Variants in USP26 observed in about 807,000 individuals in gnomAD.
USP26 encodes ubiquitin specific peptidase 26, also known as ubiquitin carboxyl-terminal hydrolase 26.
For synonymous variants in USP26, 236 were observed against 240.6 expected (o/e 0.98, Z 0.18); for missense variants, 649 against 642.3 (o/e 1.01, Z -0.11).
intron 5 of USP26, among the ~76,000 whole-genome samples, chrX:133,028,800 A>C (rs2067365721): frequency 8.9e-6 from 1 of 112,176 alleles, no homozygotes; most frequent in African/African-American, 3.2e-5. Flanking sequence ...ACTCAGTAAC[A>C]GATGAATTGT....
chrX:133,089,540 G>A (rs2067600431), intron 4 of USP26, among the ~76,000 whole-genome samples: 1 of 111,685 alleles, frequency 9.0e-6, no homozygotes, highest in South Asian at 3.8e-4. Context: ...TTACAGGGTT[G>A]TGGTTTCCCA....
chrX:133,067,876 A>T (rs891582001), intron 5 of USP26, among the ~76,000 whole-genome samples: 13 of 111,976 alleles, frequency 1.2e-4, no homozygotes, highest in African/African-American at 4.2e-4. Context: ...GTATCCCAGA[A>T]CTTAAAGTAA....
chrX:133,040,774 C>A (rs1432734774), intron 5 of USP26, among the ~76,000 whole-genome samples: 1 of 111,418 alleles, frequency 9.0e-6, no homozygotes. Context: ...ACAATAATAT[C>A]CTGAAGTGTG....
intron 5 of USP26, among the ~76,000 whole-genome samples, chrX:133,078,033 G>T (rs752682326): frequency 9.0e-6 from 1 of 111,041 alleles, no homozygotes; most frequent in East Asian, 2.9e-4. Context: ...GCAGTGAGTC[G>T]TGATCATGTC....
Position 133,026,231 on chromosome X carries a change from T to C in USP26, c.1990A>G (p.Thr664Ala). The C allele has an allele frequency of 2.5e-6, 3 of 1,210,192 alleles. No homozygotes were observed. Among genetic ancestry groups the C allele is most frequent in the Non-Finnish European group, 3.4e-6 (3 of 895,198 alleles). ...GCTTTGTGGAACTGACAAAGTGAGG[T>C]ATCTTCCAGATACGTCATTAAGTGA... Reference protein sequence around the residue: ...LAHLMTYLEDTSLCQFHKAGG... With the variant: ...LAHLMTYLEDASLCQFHKAGG... Residue 664 changes from threonine to alanine, a missense_variant, in exon 6 of 6, where the codon ACC becomes GCC. Physicochemically the swap from Thr to Ala is moderately conservative, Grantham distance 58 (BLOSUM62 0). Transcript: ENST00000511190.
chrX:133,025,947 T>C lies in USP26; in HGVS notation c.2274A>G (p.Gln758=). ...CCTGGGTGCCTGGCTTTGGAAAGCT[T>C]TGAGGCAGTGCCTGCTGAGGGGCTT... ...CEQAPQQALP[Q]SFPKPGTQGH... Residue 758 remains glutamine, a synonymous_variant, in exon 6 of 6, where the codon CAA becomes CAG. Transcript: ENST00000511190. 8.3e-7 allele frequency: 1 copy of C among 1,211,616 alleles called. No homozygotes were observed.
chrX:133,053,537 T>TAAA (rs1403278998), intron 5 of USP26, among the ~76,000 whole-genome samples: 2 of 90,889 alleles, frequency 2.2e-5, no homozygotes, highest in African/African-American at 3.9e-5. Context: ...GACTCTTTTT[T>TAAA]AAAAAAAAAA....
intron 5 of USP26, among the ~76,000 whole-genome samples, chrX:133,061,554 G>A (rs866555319): frequency 1.8e-5 from 2 of 112,676 alleles, no homozygotes; most frequent in Admixed American, 1.9e-4. Flanking sequence ...CTCCCAGCAA[G>A]ACCAACGCAG....
At chrX:133,095,352 G>A (rs1438046983) in intron 1 of USP26, among the ~76,000 whole-genome samples, 1 of 111,437 alleles carries the variant, frequency 9.0e-6, no homozygotes, top group East Asian at 2.8e-4. Flanking sequence ...CTTAAGTGCA[G>A]TCACTGGTGC....
rs1388237862 is a variant in USP26 at position 133,090,153 on chromosome X, G to C, written c.-182C>G. 9.0e-6 allele frequency: 1 copy of C among 111,220 alleles called. No homozygotes were observed. Among genetic ancestry groups the C allele is most frequent in the Non-Finnish European group, 1.9e-5 (1 of 53,071 alleles). 9.2% of individuals were successfully genotyped at this position (111,220 alleles called of 1,213,427 possible). A position where few individuals can be genotyped will look rare whatever the true frequency, so the allele number is the denominator to read the frequency against. ...GGAGGCTGAGGTGGGAGGATCACTTGAGTTCAGGAGGTCAAGGCTGCAGTG... is the reference window on the plus strand; with the variant it reads ...GGAGGCTGAGGTGGGAGGATCACTTCAGTTCAGGAGGTCAAGGCTGCAGTG... On this transcript the variant is annotated 5_prime_UTR_variant, in exon 4 of 6. Coordinates refer to ENST00000511190, the MANE Select transcript of USP26 (RefSeq NM_031907.3).
chrX:133,075,339 C>A (rs1050190361), intron 5 of USP26, among the ~76,000 whole-genome samples: 1 of 112,416 alleles, frequency 8.9e-6, no homozygotes, highest in Non-Finnish European at 1.9e-5. Flanking sequence ...TTCTTTGCCA[C>A]GTGTTTTCAC....
intron 5 of USP26, among the ~76,000 whole-genome samples, chrX:133,073,941 A>T (rs2067538922): frequency 9.0e-6 from 1 of 111,048 alleles, no homozygotes. Context: ...TCATTTCACT[A>T]TAGTTCCATT....
chrX:133,087,342 A>G (rs766269518), intron 4 of USP26, among the ~76,000 whole-genome samples: 20 of 112,596 alleles, frequency 1.8e-4, no homozygotes, highest in Non-Finnish European at 3.6e-4. Flanking sequence ...GATTAGTTAG[A>G]AGAACATTAA....
At position 133,026,333 on chromosome X, in the gene USP26, C is replaced by T. The variant is rs1009296927; in HGVS notation, c.1888G>A (p.Gly630Arg). ...AGCTCATTTGGTTTAGAATTTTTTCCAAGGTACTTTTGCTGCTGTCTTCTG... is the reference window on the plus strand; with the variant it reads ...AGCTCATTTGGTTTAGAATTTTTTCTAAGGTACTTTTGCTGCTGTCTTCTG... ...ASRRQQQKYL[G>R]KNSKPNELES... The change falls in exon 6 of 6, where the codon GGA (glycine) becomes AGA (arginine). Residue 630 changes from glycine to arginine, a missense_variant. Gly to Arg is a moderately radical substitution (Grantham distance 125). Transcript: ENST00000511190. 1.0e-5 allele frequency: 12 copies of T among 1,201,507 alleles called. No individual in the cohort carries two copies. The highest frequency in any genetic ancestry group is 1.3e-5 in the Non-Finnish European group (12 of 893,382).
At chrX:133,036,878 C>T (rs1217445299) in intron 5 of USP26, among the ~76,000 whole-genome samples, 4 of 112,326 alleles carry the variant, frequency 3.6e-5, no homozygotes, top group Non-Finnish European at 5.6e-5. Context: ...TTCTAACTGG[C>T]GTAAGATTGT....
chrX:133,075,436 G>C (rs1239644456), intron 5 of USP26, among the ~76,000 whole-genome samples: 2 of 111,854 alleles, frequency 1.8e-5, no homozygotes, highest in African/African-American at 6.5e-5. Flanking sequence ...TTCAATGTTT[G>C]TATCTACCAA....
At chrX:133,074,002 C>T (rs2067539371) in intron 5 of USP26, among the ~76,000 whole-genome samples, 1 of 111,608 alleles carries the variant, frequency 9.0e-6, no homozygotes, top group South Asian at 3.8e-4. Flanking sequence ...CTATCAACTT[C>T]CTGGAAGTTT....
At chrX:133,096,415 C>G (rs904461208) in intron 1 of USP26, among the ~76,000 whole-genome samples, 1 of 111,513 alleles carries the variant, frequency 9.0e-6, no homozygotes, top group Non-Finnish European at 1.9e-5. Flanking sequence ...GTTTTAAACA[C>G]CAGAAAACTT....
Position 133,064,895 on chromosome X carries a change from G to C in USP26, c.-77+18812C>G, listed in dbSNP as rs754107982. On this transcript the variant is annotated intron_variant, in intron 5 of 5. Transcript: ENST00000511190. ...CCAATGTCAGAGCAGAACTGAAGGAGATAGAGACACATAAAACCTTTCAAA... is the reference window on the plus strand; with the variant it reads ...CCAATGTCAGAGCAGAACTGAAGGACATAGAGACACATAAAACCTTTCAAA... Among the ~76,000 whole-genome samples, 26 of 111,465 alleles carry C rather than the reference G, an allele frequency of 2.3e-4. No individual in the cohort carries two copies. In the South Asian group the frequency reaches 9.9e-3, roughly 42 times the overall value.
Sources: gnomAD v4.1 joint callset for allele counts (sites outside exome capture counted in the v4.1 genomes callset) on GRCh38, gnomAD v4.1.1 for gene constraint, MANE v1.5 for transcripts, NCBI Gene and HGNC (gene_info 2026-07-23, HGNC 2026-07-21) for gene names.